RELN: variants seen among roughly 807,000 people sequenced by gnomAD.
The protein encoded by RELN is reelin.
RELN carries 108 observed loss-of-function variants against 427.6 expected under a neutral mutation model. The observed-to-expected ratio is 0.25, with a 90% CI of 0.22 to 0.30. The LOEUF (loss-of-function observed/expected upper bound fraction) is 0.30, where lower values mean the gene tolerates loss of function less well. RELN is among the 10% of genes least tolerant of loss of function. RELN has a pLI of 1.00. For missense variants in RELN, 3,715 were observed against 4,302.8 expected (o/e 0.86, Z 3.82); for synonymous variants, 1,524 against 1,513.4 (o/e 1.01, Z -0.16).
chr7:103,618,197 G>A (rs896604903), intron 20 of RELN, among the ~76,000 whole-genome samples: 4 of 152,216 alleles, frequency 2.6e-5, no homozygotes, highest in African/African-American at 9.6e-5. Context: ...TCAAGGACTA[G>A]AGCAGAAAAT....
At chr7:103,631,286 CTTT>C (rs545808640) in intron 19 of RELN, among the ~76,000 whole-genome samples, 7 of 77,810 alleles carry the variant, frequency 9.0e-5, no homozygotes, top group Admixed American at 2.0e-4. Context: ...AAAAACACTT[CTTT>C]TTTTTTTTTT....
intron 20 of RELN, among the ~76,000 whole-genome samples, chr7:103,615,868 C>T (rs549682159): frequency 3.3e-5 from 5 of 152,300 alleles, no homozygotes; most frequent in African/African-American, 1.2e-4. Context: ...TTGAGGTTAT[C>T]TTCACTTAAG....
At chr7:103,906,210 C>G (rs955730384) in intron 2 of RELN, among the ~76,000 whole-genome samples, 1 of 152,056 alleles carries the variant, frequency 6.6e-6, no homozygotes, top group Admixed American at 6.6e-5. Context: ...GTCAAGCTGG[C>G]TTGGGCTGCA....
At chr7:103,485,701 T>C (rs1232090665) in intron 61 of RELN, among the ~76,000 whole-genome samples, 1 of 152,170 alleles carries the variant, frequency 6.6e-6, no homozygotes. Context: ...CTCAGCAATT[T>C]AACCCTCAGC....
intron 33 of RELN, 135 bp from the exon 34 acceptor site, chr7:103,565,686 TTTC>T (rs1408726172): frequency 5.1e-6 from 4 of 786,888 alleles, no homozygotes; most frequent in Admixed American, 5.2e-5. Context: ...TGCTTTGACT[TTTC>T]TTCTTATATT....
intron 20 of RELN, among the ~76,000 whole-genome samples, chr7:103,628,575 T>C (rs1009354197): frequency 5.9e-5 from 9 of 152,318 alleles, no homozygotes; most frequent in Admixed American, 4.6e-4. Flanking sequence ...GATCTGACTA[T>C]ACATGCACAA....
Position 103,852,025 on chromosome 7 carries a change from T to C in RELN, c.338-18353A>G, listed in dbSNP as rs529181467. 5.3e-5 allele frequency among the ~76,000 whole-genome samples: 8 copies of C among 152,316 alleles called. No homozygotes were observed. In the South Asian group the frequency reaches 1.7e-3, roughly 32 times the overall value. On this transcript the variant is annotated intron_variant, in intron 2 of 64. Coordinates refer to ENST00000428762, the MANE Select transcript of RELN (RefSeq NM_005045.4). Reference sequence around the variant, plus strand: ...ATAAAGGACTACTATGTAAGATTGTTGAGTTAAGCTGAGATTTGGGAGTTA... The same window carrying C: ...ATAAAGGACTACTATGTAAGATTGTCGAGTTAAGCTGAGATTTGGGAGTTA...
At chr7:103,851,542 T>C (rs1793821891) in intron 2 of RELN, among the ~76,000 whole-genome samples, 1 of 152,112 alleles carries the variant, frequency 6.6e-6, no homozygotes, top group Admixed American at 6.5e-5. Context: ...AAGCAAGCAA[T>C]GTAAATGGAA....
intron 31 of RELN, among the ~76,000 whole-genome samples, chr7:103,571,264 T>C (rs1350719042): frequency 6.6e-6 from 1 of 152,006 alleles, no homozygotes; most frequent in Admixed American, 6.6e-5. Flanking sequence ...GAGACCACGG[T>C]TTGGAGGAGG....
intron 1 of RELN, among the ~76,000 whole-genome samples, chr7:103,984,053 G>A (rs1214412334): frequency 6.6e-6 from 1 of 151,920 alleles, no homozygotes; most frequent in Non-Finnish European, 1.5e-5. Flanking sequence ...CACTTGAAGT[G>A]ATCAGAAAAA....
intron 20 of RELN, among the ~76,000 whole-genome samples, chr7:103,622,842 T>G (rs1258885124): frequency 6.6e-6 from 1 of 152,224 alleles, no homozygotes; most frequent in East Asian, 1.9e-4. Flanking sequence ...ATACTTGTTA[T>G]TTCCCTCTAG....
At chr7:103,533,696 A>G (rs999802202) in intron 46 of RELN, among the ~76,000 whole-genome samples, 1 of 152,240 alleles carries the variant, frequency 6.6e-6, no homozygotes, top group Non-Finnish European at 1.5e-5. Flanking sequence ...GAAAGGGTCA[A>G]AATTCTTGTG....
At chr7:103,609,213 A>T (rs1831889737) in intron 22 of RELN, among the ~76,000 whole-genome samples, 1 of 106,428 alleles carries the variant, frequency 9.4e-6, no homozygotes, top group African/African-American at 4.3e-5. Flanking sequence ...ACAGAGCAAG[A>T]CTCTGTCTCA....
chr7:103,600,268 T>C (rs1027885245), intron 24 of RELN, among the ~76,000 whole-genome samples: 1 of 152,206 alleles, frequency 6.6e-6, no homozygotes, highest in African/African-American at 2.4e-5. Flanking sequence ...TTTGGGTTAC[T>C]GCCCCTTCAC....
intron 1 of RELN, among the ~76,000 whole-genome samples, chr7:103,949,789 G>T (rs1362965388): frequency 6.6e-6 from 1 of 151,998 alleles, no homozygotes; most frequent in Non-Finnish European, 1.5e-5. Context: ...AACTCAAAAA[G>T]AACAGTTTCC....
At chr7:103,888,379 C>A (rs1239540913) in intron 2 of RELN, among the ~76,000 whole-genome samples, 1 of 152,138 alleles carries the variant, frequency 6.6e-6, no homozygotes, top group Non-Finnish European at 1.5e-5. Flanking sequence ...TTATTAGCCT[C>A]TTCCCACAGC....
At chr7:103,971,125 C>G (rs899562274) in intron 1 of RELN, among the ~76,000 whole-genome samples, 1 of 147,048 alleles carries the variant, frequency 6.8e-6, no homozygotes, top group African/African-American at 2.5e-5. Context: ...GCACTCGAGC[C>G]TGGGCGACAA....
intron 1 of RELN, among the ~76,000 whole-genome samples, chr7:103,952,378 T>C (rs1796349274): frequency 6.6e-6 from 1 of 152,232 alleles, no homozygotes; most frequent in Non-Finnish European, 1.5e-5. Flanking sequence ...AATATTACTT[T>C]TTAAATAACT....
At chr7:103,794,469 A>G (rs899036723) in intron 3 of RELN, among the ~76,000 whole-genome samples, 6 of 152,144 alleles carry the variant, frequency 3.9e-5, no homozygotes, top group African/African-American at 1.4e-4. Context: ...CTGGCAGTGG[A>G]TTATCTTCCA....
Sources: allele counts gnomAD v4.1 joint callset (sites outside exome capture counted in the v4.1 genomes callset), GRCh38; gene constraint gnomAD v4.1.1; transcripts MANE v1.5; gene names NCBI Gene and HGNC (gene_info 2026-07-23, HGNC 2026-07-21).